The following C1GALT1 variants were observed in gnomAD, a reference collection of about 807,000 sequenced individuals.
The protein encoded by C1GALT1 is core 1 synthase, glycoprotein-N-acetylgalactosamine 3-beta-galactosyltransferase 1, also known as glycoprotein-N-acetylgalactosamine 3-beta-galactosyltransferase 1.
In C1GALT1, 11 loss-of-function variants were observed where a neutral mutation model predicts 31.0. That is an observed-to-expected ratio of 0.36 (90% CI 0.22 to 0.59). The LOEUF (loss-of-function observed/expected upper bound fraction) is 0.59. C1GALT1 is among the 20% of genes least tolerant of loss of function. The pLI is 0.79. For missense variants in C1GALT1, 424 were observed against 425.2 expected (o/e 1.00, Z 0.03); for synonymous variants, 175 against 143.6 (o/e 1.22, Z -1.56).
At chr7:7,162,278 A>G (rs1367822673) in intron 2 of C1GALT1, among the ~76,000 whole-genome samples, 1 of 73,730 alleles carries the variant, frequency 1.4e-5, no homozygotes, top group African/African-American at 5.7e-5. Flanking sequence ...CCCCCACCCC[A>G]CAACAGTCCC....
intron 1 of C1GALT1, 105 bp downstream of exon 1, chr7:7,182,925 C>T (rs1780648755): frequency 1.2e-6 from 1 of 868,342 alleles, no homozygotes; most frequent in Non-Finnish European, 1.4e-6. Context: ...TGGAACCAAA[C>T]CCCGGGCGCG....
chr7:7,169,390 G>A (rs1020603685), intron 2 of C1GALT1, among the ~76,000 whole-genome samples: 1 of 152,110 alleles, frequency 6.6e-6, no homozygotes, highest in Non-Finnish European at 1.5e-5. Context: ...AAACTGCTGG[G>A]TTGTATGGTC....
chr7:7,230,622 CTTTT>C lies in C1GALT1; in HGVS notation c.-17-3667_-17-3664del, dbSNP rs57276821. The stretch of plus-strand genomic sequence containing the variant: ...ATTTGTCTCATCTATTCTATATTCC[CTTTT>C]TTTTTTTTTTTTTAACATTGCCTTG... On this transcript the variant is annotated intron_variant, in intron 1 of 3. Coordinates refer to ENST00000436587, the MANE Select transcript of C1GALT1 (RefSeq NM_020156.5). 5.1e-4 allele frequency among the ~76,000 whole-genome samples: 62 copies of C among 121,514 alleles called. 1 individual carries two copies. The highest frequency in any genetic ancestry group is 4.7e-3 in the Middle Eastern group (1 of 214). The allele number at this position is 121,514 out of a possible 152,430, so 79.7% of individuals were successfully genotyped here.
At chr7:7,220,044 A>G (rs576553634) in intron 1 of C1GALT1, among the ~76,000 whole-genome samples, 1 of 152,170 alleles carries the variant, frequency 6.6e-6, no homozygotes, top group Admixed American at 6.5e-5. Flanking sequence ...ATGTACAGGC[A>G]CTGCTCATGA....
intron 2 of C1GALT1, 147 bp downstream of exon 2, chr7:7,234,686 C>G (rs756993069): frequency 1.7e-6 from 1 of 601,112 alleles, no homozygotes; most frequent in Non-Finnish European, 2.8e-6. Flanking sequence ...AAGGGAATTG[C>G]TAAAACTCAG....
intron 2 of C1GALT1, among the ~76,000 whole-genome samples, chr7:7,160,889 C>T (rs949001738): frequency 5.9e-5 from 9 of 151,680 alleles, no homozygotes; most frequent in African/African-American, 2.2e-4. Context: ...AACCTTAGAA[C>T]TATACACACA....
chr7:7,202,346 AAGTT>A (rs1781561776), intron 1 of C1GALT1, among the ~76,000 whole-genome samples: 1 of 152,154 alleles, frequency 6.6e-6, no homozygotes, highest in Non-Finnish European at 1.5e-5. Context: ...TGGGAGCTCC[AAGTT>A]AGTTATGCGC....
At chr7:7,194,773 G>T (rs1379927350) in intron 1 of C1GALT1, among the ~76,000 whole-genome samples, 2 of 152,054 alleles carry the variant, frequency 1.3e-5, no homozygotes, top group African/African-American at 2.4e-5. Flanking sequence ...TTGAATATTG[G>T]ATAGAATTTA....
rs771703576 is a variant in C1GALT1 at position 7,234,488 on chromosome 7, A to C, written c.169A>C (p.Asn57His). The change falls in exon 2 of 4, where the codon AAT (asparagine) becomes CAT (histidine). Residue 57 changes from asparagine (N) to histidine (H), a missense_variant. Asn to His is a moderately conservative substitution (Grantham distance 68). This residue lies in a region of C1GALT1 where 189 missense variants were observed against 158.2 expected (regional missense o/e 1.19). Transcript: ENST00000436587. The stretch of plus-strand genomic sequence containing the variant: ...AAGGCATTCAGATGATAATGGACAG[A>C]ATCATCTAGAAGGACAAATGAACTT... ...HARHSDDNGQ[N>H]HLEGQMNFNA... 1.9e-6 allele frequency: 3 copies of C among 1,613,820 alleles called. No homozygotes were observed. The Admixed American group carries it at 5.0e-5, about 27-fold the overall frequency.
At chr7:7,158,780 A>C (rs962740617) in intron 2 of C1GALT1, among the ~76,000 whole-genome samples, 5 of 152,076 alleles carry the variant, frequency 3.3e-5, no homozygotes, top group African/African-American at 4.8e-5. Context: ...CCTTTTGGAT[A>C]ATGTTATGAC....
intron 3 of C1GALT1, among the ~76,000 whole-genome samples, chr7:7,240,758 C>G (rs1389916805): frequency 2.0e-5 from 3 of 152,100 alleles, no homozygotes; most frequent in Non-Finnish European, 4.4e-5. Context: ...CTGACATTGC[C>G]TGTTCTCCCT....
intron 2 of C1GALT1, among the ~76,000 whole-genome samples, chr7:7,161,325 T>C (rs920752225): frequency 2.6e-5 from 4 of 152,182 alleles, no homozygotes; most frequent in Non-Finnish European, 5.9e-5. Context: ...CTAACTTCTT[T>C]ACTTTAAAGG....
intron 1 of C1GALT1, among the ~76,000 whole-genome samples, chr7:7,197,963 C>G (rs1421826385): frequency 3.9e-5 from 6 of 152,196 alleles, no homozygotes; most frequent in African/African-American, 1.4e-4. Context: ...TCTAAATACA[C>G]AATCATGTCA....
chr7:7,214,086 T>C (rs1384866574), intron 1 of C1GALT1, among the ~76,000 whole-genome samples: 1 of 152,188 alleles, frequency 6.6e-6, no homozygotes, highest in Non-Finnish European at 1.5e-5. Flanking sequence ...CCCTACAGTG[T>C]ATTTTCTACT....
intron 3 of C1GALT1, among the ~76,000 whole-genome samples, chr7:7,241,392 A>G (rs1188544804): frequency 1.3e-5 from 2 of 152,012 alleles, no homozygotes; most frequent in Non-Finnish European, 2.9e-5. Context: ...ATTTTGGCCC[A>G]GCACCATATT....
intron 2 of C1GALT1, among the ~76,000 whole-genome samples, chr7:7,162,722 A>G (rs937278920): frequency 2.0e-5 from 3 of 152,022 alleles, no homozygotes; most frequent in African/African-American, 7.2e-5. Flanking sequence ...ACTAGTTTAC[A>G]GTCCCACCAA....
chr7:7,177,796 A>C (rs1278336915), upstream of C1GALT1, among the ~76,000 whole-genome samples: 1 of 152,232 alleles, frequency 6.6e-6, no homozygotes, highest in African/African-American at 2.4e-5. Flanking sequence ...AGACCTCATC[A>C]GCCTAATTTA....
chr7:7,220,965 C>G (rs1020302682), intron 1 of C1GALT1, among the ~76,000 whole-genome samples: 4 of 150,378 alleles, frequency 2.7e-5, no homozygotes, highest in South Asian at 2.1e-4. Flanking sequence ...TTTCTGGTCT[C>G]TTGTATGTGA....
At chr7:7,199,258 A>G (rs2128235056) in intron 1 of C1GALT1, among the ~76,000 whole-genome samples, 1 of 152,302 alleles carries the variant, frequency 6.6e-6, no homozygotes, top group Middle Eastern at 3.4e-3. Context: ...ATTGGTTTCA[A>G]AGAACATCTT....
Sources: gnomAD v4.1 joint callset for allele counts (sites outside exome capture counted in the v4.1 genomes callset) on GRCh38, gnomAD v4.1.1 for gene constraint, gnomAD v4.1.1 regional missense constraint, MANE v1.5 for transcripts, NCBI Gene and HGNC (gene_info 2026-07-23, HGNC 2026-07-21) for gene names.